OLFM3: variants seen among roughly 807,000 people sequenced by gnomAD.
OLFM3 encodes the protein olfactomedin 3.
In OLFM3, 20 loss-of-function variants were observed where a neutral mutation model predicts 48.6. The ratio of observed to expected loss-of-function variants is 0.41; its 90% confidence interval spans 0.29 to 0.60. OLFM3 has a LOEUF of 0.60. Among genes scored for constraint, OLFM3 ranks in the 20% least tolerant of loss-of-function variants. OLFM3 has a pLI of 0.28. For synonymous variants in OLFM3, 222 were observed against 198.1 expected (o/e 1.12, Z -1.01); for missense variants, 437 against 544.3 (o/e 0.80, Z 1.96).
At chr1:101,951,180 C>T (rs954594722) in intron 1 of OLFM3, among the ~76,000 whole-genome samples, 1 of 152,046 alleles carries the variant, frequency 6.6e-6, no homozygotes. Context: ...TTTCACCTGA[C>T]AAAAATTAAT....
At chr1:101,867,861 G>A (rs1656918152) in intron 1 of OLFM3, among the ~76,000 whole-genome samples, 1 of 152,128 alleles carries the variant, frequency 6.6e-6, no homozygotes, top group Non-Finnish European at 1.5e-5. Flanking sequence ...TCGTGGGAGG[G>A]ACCTGGTGTG....
At chr1:101,813,191 G>C (rs1214232065) in intron 4 of OLFM3, 5 of 854,248 alleles carry the variant, frequency 5.9e-6, no homozygotes, top group Admixed American at 5.6e-5. Flanking sequence ...GACCAAATCT[G>C]TATTGAGAAG....
At chr1:101,972,488 C>T (rs934391527) in intron 1 of OLFM3, among the ~76,000 whole-genome samples, 2 of 152,066 alleles carry the variant, frequency 1.3e-5, no homozygotes, top group Non-Finnish European at 2.9e-5. Context: ...GGCTAATTCT[C>T]GAGAGTAGAC....
chr1:101,819,526 A>G (rs1267398186), intron 4 of OLFM3, among the ~76,000 whole-genome samples: 1 of 152,024 alleles, frequency 6.6e-6, no homozygotes, highest in Non-Finnish European at 1.5e-5. Context: ...CGGCTGGTGG[A>G]AGTGAGGATG....
intron 1 of OLFM3, among the ~76,000 whole-genome samples, chr1:101,849,675 G>A (rs1325590328): frequency 6.6e-6 from 1 of 152,156 alleles, no homozygotes; most frequent in Non-Finnish European, 1.5e-5. Context: ...GGCAAGAGAT[G>A]ATGAGGTCCT....
intron 1 of OLFM3, among the ~76,000 whole-genome samples, chr1:101,851,427 T>C (rs1490864301): frequency 2.6e-5 from 4 of 152,156 alleles, no homozygotes; most frequent in African/African-American, 9.7e-5. Context: ...ATACCACGAT[T>C]TGAGCCAGCC....
At chr1:101,872,560 A>C (rs1266611552) in intron 1 of OLFM3, among the ~76,000 whole-genome samples, 1 of 152,024 alleles carries the variant, frequency 6.6e-6, no homozygotes, top group Non-Finnish European at 1.5e-5. Flanking sequence ...TTTTAAAAAC[A>C]GTGTCTGTAA....
intron 1 of OLFM3, among the ~76,000 whole-genome samples, chr1:101,902,623 T>C (rs1331061084): frequency 6.6e-6 from 1 of 152,054 alleles, no homozygotes; most frequent in Non-Finnish European, 1.5e-5. Context: ...AGAAAAGAAG[T>C]GGAAGTTCTG....
chr1:101,873,681 C>G (rs1208094961), intron 1 of OLFM3, among the ~76,000 whole-genome samples: 1 of 151,474 alleles, frequency 6.6e-6, no homozygotes, highest in Admixed American at 6.6e-5. Flanking sequence ...AATAGTTGAG[C>G]ACAGAGGAGT....
At chr1:101,887,673 A>C (rs1189536888) in intron 1 of OLFM3, among the ~76,000 whole-genome samples, 1 of 152,066 alleles carries the variant, frequency 6.6e-6, no homozygotes, top group African/African-American at 2.4e-5. Flanking sequence ...CTTACTTTCC[A>C]AAATAAAATC....
chr1:101,869,026 G>A (rs12026338), intron 1 of OLFM3, among the ~76,000 whole-genome samples: 6,330 of 152,244 alleles, frequency 0.042, 420 homozygotes, highest in East Asian at 0.33. Context: ...CTGCAGGGGC[G>A]GTACCCTCAT....
chr1:101,811,277 A>G (rs1472224615), intron 4 of OLFM3, among the ~76,000 whole-genome samples: 1 of 152,106 alleles, frequency 6.6e-6, no homozygotes, highest in Admixed American at 6.6e-5. Context: ...GTCCAAGTGA[A>G]TACAGATTTT....
intron 2 of OLFM3, among the ~76,000 whole-genome samples, chr1:101,833,152 C>G (rs146417555): frequency 2.4e-4 from 36 of 152,240 alleles, no homozygotes; most frequent in African/African-American, 8.4e-4. Context: ...GTTAAAATAG[C>G]CTGTCTTTAT....
intron 1 of OLFM3, among the ~76,000 whole-genome samples, chr1:101,838,782 G>A (rs142509736): frequency 0.018 from 2,747 of 152,254 alleles, 44 homozygotes; most frequent in Non-Finnish European, 0.024. Context: ...GCTGGGCCAG[G>A]AGCAAATTCT....
chr1:101,836,900 T>C lies in OLFM3; in HGVS notation c.195A>G (p.Gln65=). 1 of 1,614,164 alleles carries C rather than the reference T, an allele frequency of 6.2e-7. No homozygotes were observed. Reference sequence around the variant, plus strand: ...CTACCTTTTCCAGTAGTTGGCGAAGTTGCCTGCTTTTGGCATCCCGGGAAC... The same window carrying C: ...CTACCTTTTCCAGTAGTTGGCGAAGCTGCCTGCTTTTGGCATCCCGGGAAC... ...NLCSRDAKSR[Q]LRQLLEKVQN... is the part of the protein sequence containing the mutation. Residue 65 remains glutamine, a synonymous_variant, in exon 2 of 6, where the codon CAA becomes CAG. Transcript: ENST00000370103.
At chr1:101,990,847 G>A (rs1448646264) in intron 1 of OLFM3, among the ~76,000 whole-genome samples, 2 of 150,902 alleles carry the variant, frequency 1.3e-5, no homozygotes, top group East Asian at 1.9e-4. Context: ...AGCCAGGCAT[G>A]GTAGCAGGCG....
At chr1:101,973,114 T>A (rs1397862950) in intron 1 of OLFM3, among the ~76,000 whole-genome samples, 1 of 152,222 alleles carries the variant, frequency 6.6e-6, no homozygotes, top group Non-Finnish European at 1.5e-5. Context: ...TAGGTATATA[T>A]AGATATATGA....
intron 4 of OLFM3, among the ~76,000 whole-genome samples, chr1:101,808,821 G>A (rs1653908995): frequency 6.6e-6 from 1 of 151,740 alleles, no homozygotes; most frequent in Non-Finnish European, 1.5e-5. Context: ...TTTTCAAAAA[G>A]TTTGTAAGAA....
chr1:101,932,402 C>T lies in OLFM3; in HGVS notation c.69+64346G>A, dbSNP rs563248806. On this transcript the variant is annotated intron_variant, in intron 1 of 5. Transcript: ENST00000370103. ...CCACGACATTGGGAAGACAGGCACA[C>T]TATGAGCAGATCTTCGGAGGAAAGG... Among the ~76,000 whole-genome samples, 5 of 152,288 alleles carry T rather than the reference C, an allele frequency of 3.3e-5. No individual in the cohort carries two copies. The South Asian group carries it at 1.0e-3, about 32-fold the overall frequency.
Sources: gnomAD v4.1 joint callset for allele counts (sites outside exome capture counted in the v4.1 genomes callset) on GRCh38, gnomAD v4.1.1 for gene constraint, MANE v1.5 for transcripts, NCBI Gene and HGNC (gene_info 2026-07-23, HGNC 2026-07-21) for gene names.